Variants in ALPK1 observed in about 807,000 individuals in gnomAD.
ALPK1 encodes alpha kinase 1.
ALPK1 carries 110 observed loss-of-function variants against 120.6 expected under a neutral mutation model. That is an observed-to-expected ratio of 0.91 (90% confidence interval 0.78 to 1.07). The LOEUF (loss-of-function observed/expected upper bound fraction) is 1.07. Ranked by LOEUF, ALPK1 falls within the 50% of genes least tolerant of loss-of-function variation. The pLI is 0.00. For synonymous variants in ALPK1, 582 were observed against 560.3 expected (o/e 1.04, Z -0.55); for missense variants, 1,498 against 1,483.9 (o/e 1.01, Z -0.16).
At chr4:112,424,784 C>CAT (rs1734163408) in intron 6 of ALPK1, among the ~76,000 whole-genome samples, 1 of 152,020 alleles carries the variant, frequency 6.6e-6, no homozygotes, top group South Asian at 2.1e-4. Context: ...CACACACACA[C>CAT]GCACGCACAC....
chr4:112,418,958 C>A (rs1000258204), intron 5 of ALPK1, among the ~76,000 whole-genome samples: 4 of 152,038 alleles, frequency 2.6e-5, no homozygotes, highest in Non-Finnish European at 5.9e-5. Flanking sequence ...GGTATAAAGG[C>A]TAGAAATGAA....
At chr4:112,400,455 G>A (rs1234842157) in intron 4 of ALPK1, among the ~76,000 whole-genome samples, 1 of 152,158 alleles carries the variant, frequency 6.6e-6, no homozygotes, top group Non-Finnish European at 1.5e-5. Flanking sequence ...AGAATTAGAG[G>A]AATTTTGGTT....
chr4:112,349,975 C>G (rs4834265), intron 2 of ALPK1, among the ~76,000 whole-genome samples: 48,655 of 151,880 alleles, frequency 0.32, 8,200 homozygotes, highest in Non-Finnish European at 0.38. Flanking sequence ...TAGCCCAGAC[C>G]TATGAGAAAA....
rs1734205123 is a variant in ALPK1 at position 112,425,666 on chromosome 4, T to C, written c.537T>C (p.Gly179=). ...SSLISNNGAT[G]TWLYRNESDK... ...GGGAATTTTCATCTTTTCTTTTAGG[T>C]ACCTGGCTGTACAGAAATGAAAGTG... The change falls in exon 7 of 16, where the codon GGT becomes GGC. Residue 179 remains glycine (G), a splice_region_variant and synonymous_variant. Transcript: ENST00000650871. 1 of 1,612,224 alleles carries C rather than the reference T, an allele frequency of 6.2e-7. No individual in the cohort carries two copies. The highest frequency in any genetic ancestry group is 1.3e-5 in the African/African-American group (1 of 74,896).
chr4:112,386,295 C>T (rs1732148241), intron 4 of ALPK1, among the ~76,000 whole-genome samples: 1 of 152,166 alleles, frequency 6.6e-6, no homozygotes, highest in South Asian at 2.1e-4. Context: ...CTCCTTTACA[C>T]TCCACACAAA....
chr4:112,382,798 G>A (rs1401982827), intron 4 of ALPK1: 3 of 433,596 alleles, frequency 6.9e-6, no homozygotes, highest in African/African-American at 4.0e-5. Flanking sequence ...CATGAACCCT[G>A]TCATCTTGAA....
intron 2 of ALPK1, chr4:112,356,039 G>A: frequency 5.4e-6 from 4 of 740,108 alleles, no homozygotes; most frequent in Admixed American, 1.9e-5. Flanking sequence ...TACCAAGAGC[G>A]GCTGAGAGCC....
At chr4:112,437,145 G>A (rs1734820432) in intron 12 of ALPK1, among the ~76,000 whole-genome samples, 1 of 152,016 alleles carries the variant, frequency 6.6e-6, no homozygotes, top group Non-Finnish European at 1.5e-5. Flanking sequence ...CATTTTAAAA[G>A]CAGTCAAAGA....
chr4:112,356,652 A>T, intron 2 of ALPK1: 2 of 839,756 alleles, frequency 2.4e-6, no homozygotes, highest in South Asian at 1.3e-5. Flanking sequence ...TGTCATTTCT[A>T]CAACAATGTA....
intron 2 of ALPK1, among the ~76,000 whole-genome samples, chr4:112,373,843 G>A (rs959637317): frequency 6.6e-5 from 10 of 152,186 alleles, no homozygotes; most frequent in African/African-American, 2.2e-4. Flanking sequence ...ATCATACTAT[G>A]TCTAAAAAAG....
intron 2 of ALPK1, chr4:112,358,905 G>T: frequency 1.3e-6 from 1 of 769,700 alleles, no homozygotes; most frequent in South Asian, 1.3e-5. Context: ...CCTCCTCTTT[G>T]CTGAAAACCC....
At chr4:112,424,029 G>A (rs764210870) in intron 6 of ALPK1, 26 bp downstream of exon 6, 16 of 1,607,568 alleles carry the variant, frequency 1.0e-5, no homozygotes, top group African/African-American at 2.7e-5. Context: ...TCTTCACAAT[G>A]ACTTTTACCT....
intron 5 of ALPK1, among the ~76,000 whole-genome samples, chr4:112,421,983 T>G (rs538134140): frequency 6.6e-6 from 1 of 152,208 alleles, no homozygotes; most frequent in Non-Finnish European, 1.5e-5. Context: ...CTCCTGTCCT[T>G]TGCGGCCATT....
rs780918929 is a variant in ALPK1 at position 112,430,530 on chromosome 4, C to T, written c.983C>T (p.Ala328Val). 1 of 1,614,002 alleles carries T rather than the reference C, an allele frequency of 6.2e-7. No individual in the cohort carries two copies. The highest frequency in any genetic ancestry group is 1.3e-5 in the African/African-American group (1 of 74,912). ...TTGAAAAACTTACATCTGTGTGAAG[C>T]CAAAGAGGCCTTTGAGATTGGCCTC... ...PELKNLHLCE[A>V]KEAFEIGLLT... is the part of the protein sequence containing the mutation. Residue 328 changes from alanine (A) to valine (V), a missense_variant, in exon 11 of 16, where the codon GCC becomes GTC. Coordinates refer to ENST00000650871, the MANE Select transcript of ALPK1 (RefSeq NM_025144.4).
chr4:112,319,916 T>G (rs1728793002), intron 2 of ALPK1, among the ~76,000 whole-genome samples: 1 of 152,226 alleles, frequency 6.6e-6, no homozygotes, highest in Non-Finnish European at 1.5e-5. Context: ...TTTACTTAAT[T>G]CATTTACCAG....
At chr4:112,323,715 G>A (rs1728965731) in intron 2 of ALPK1, among the ~76,000 whole-genome samples, 1 of 152,254 alleles carries the variant, frequency 6.6e-6, no homozygotes, top group South Asian at 2.1e-4. Context: ...GCTCATCTAG[G>A]AGTGAGGCAA....
chr4:112,406,123 C>T (rs1277721432), intron 4 of ALPK1, among the ~76,000 whole-genome samples: 1 of 152,028 alleles, frequency 6.6e-6, no homozygotes, highest in East Asian at 1.9e-4. Flanking sequence ...AATCCCATTT[C>T]TAGGTATATA....
chr4:112,320,011 A>G lies in ALPK1; in HGVS notation c.-101+4159A>G, dbSNP rs543720665. 2.8e-4 allele frequency among the ~76,000 whole-genome samples: 42 copies of G among 152,256 alleles called. 1 individual carries two copies. Among genetic ancestry groups the G allele is most frequent in the Middle Eastern group, 6.8e-3 (2 of 294 alleles). On this transcript the variant is annotated intron_variant, in intron 2 of 15. Coordinates refer to ENST00000650871, the MANE Select transcript of ALPK1 (RefSeq NM_025144.4). ...CAAACAGTCACAGTTTGACTTCCTC[A>G]TTACCAATTTGGATGCCCTTTATTT...
intron 11 of ALPK1, among the ~76,000 whole-genome samples, chr4:112,433,405 C>A (rs1268181022): frequency 6.6e-6 from 1 of 152,160 alleles, no homozygotes; most frequent in Non-Finnish European, 1.5e-5. Context: ...CCCCTCAGGA[C>A]CTAATCACCT....
Sources: gnomAD v4.1 joint callset for allele counts (sites outside exome capture counted in the v4.1 genomes callset) on GRCh38, gnomAD v4.1.1 for gene constraint, MANE v1.5 for transcripts, NCBI Gene and HGNC (gene_info 2026-07-23, HGNC 2026-07-21) for gene names.